LRRC49: variants seen among roughly 807,000 people sequenced by gnomAD.
LRRC49 encodes leucine-rich repeat-containing protein 49.
LRRC49 carries 50 observed loss-of-function variants against 83.3 expected under a neutral mutation model. The observed-to-expected ratio is 0.60, with a 90% CI of 0.48 to 0.76. The LOEUF (loss-of-function observed/expected upper bound fraction) is 0.76. LRRC49 is among the 30% of genes least tolerant of loss of function. LRRC49 has a pLI of 0.00. For missense variants in LRRC49, 704 were observed against 809.1 expected (o/e 0.87, Z 1.58); for synonymous variants, 286 against 283.3 (o/e 1.01, Z -0.10).
chr15:70,867,280 A>G (rs1028333906), intron 1 of LRRC49, among the ~76,000 whole-genome samples: 3 of 152,212 alleles, frequency 2.0e-5, no homozygotes, highest in African/African-American at 7.2e-5. Flanking sequence ...CTGAAAGACA[A>G]GAGCATAGAG....
At chr15:70,907,927 C>A (rs62019094) in intron 5 of LRRC49, 1 of 455,924 alleles carries the variant, frequency 2.2e-6, no homozygotes. Context: ...AATACCTAAT[C>A]TGACCAGTAG....
chr15:70,959,923 A>G (rs1409860290), intron 8 of LRRC49, among the ~76,000 whole-genome samples: 1 of 152,224 alleles, frequency 6.6e-6, no homozygotes, highest in African/African-American at 2.4e-5. Context: ...ATTTTTATTC[A>G]TAATGCTCAA....
chr15:70,863,605 C>T (rs895738532), intron 1 of LRRC49, among the ~76,000 whole-genome samples: 2 of 152,168 alleles, frequency 1.3e-5, no homozygotes, highest in Non-Finnish European at 2.9e-5. Flanking sequence ...GAATAGTCAT[C>T]CCAGAGAAAT....
At position 70,871,338 on chromosome 15, in the gene LRRC49, C is replaced by A. The variant is rs183314996; in HGVS notation, c.-298-1570C>A. 3.6e-3 allele frequency among the ~76,000 whole-genome samples: 552 copies of A among 152,304 alleles called. 2 individuals carry two copies. The highest frequency in any genetic ancestry group is 6.1e-3 in the Non-Finnish European group (417 of 68,024). On this transcript the variant is annotated intron_variant, in intron 1 of 16. Transcript: ENST00000544974. ...CCTAGTACAGAACAAAATGGAGTCTCCCATGTCTACTTCTTTCTACACAGA... is the reference window on the plus strand; with the variant it reads ...CCTAGTACAGAACAAAATGGAGTCTACCATGTCTACTTCTTTCTACACAGA...
At chr15:70,860,051 G>T in intron 1 of LRRC49, 1 of 736,496 alleles carries the variant, frequency 1.4e-6, no homozygotes, top group East Asian at 2.5e-5. Context: ...TGGCTCTGGC[G>T]CAGGCTCCAG....
chr15:71,038,143 C>A (rs766017567), intron 15 of LRRC49, among the ~76,000 whole-genome samples: 1 of 152,074 alleles, frequency 6.6e-6, no homozygotes, highest in Non-Finnish European at 1.5e-5. Context: ...ACATCTATAT[C>A]CAGATATAAG....
At chr15:70,936,210 AC>A (rs2035592000) in intron 7 of LRRC49, among the ~76,000 whole-genome samples, 1 of 151,990 alleles carries the variant, frequency 6.6e-6, no homozygotes, top group Non-Finnish European at 1.5e-5. Flanking sequence ...CCCTTACAGT[AC>A]CCTTCAGTGA....
intron 2 of LRRC49, among the ~76,000 whole-genome samples, chr15:70,877,334 C>T (rs1008257295): frequency 5.3e-5 from 8 of 152,164 alleles, no homozygotes; most frequent in African/African-American, 9.7e-5. Context: ...CATTTCCTTG[C>T]GTACTTTTGC....
rs538150826 is a variant in LRRC49 at position 70,856,033 on chromosome 15, G to A, written c.-299+2564G>A. Among the ~76,000 whole-genome samples, 5 of 152,140 alleles carry A rather than the reference G, an allele frequency of 3.3e-5. No homozygotes were observed. In the South Asian group the frequency reaches 8.3e-4, roughly 25 times the overall value. On this transcript the variant is annotated intron_variant, in intron 1 of 16. Transcript: ENST00000544974. ...CATCTCGTGTGGCAAAGACATCAGGGGTTGTTATCCTTACCCACAATGATG... is the reference window on the plus strand; with the variant it reads ...CATCTCGTGTGGCAAAGACATCAGGAGTTGTTATCCTTACCCACAATGATG...
Position 71,050,127 on chromosome 15 carries a change from G to C in LRRC49, c.*515G>C, listed in dbSNP as rs1316967039. 1 of 153,212 alleles carries C rather than the reference G, an allele frequency of 6.5e-6. No homozygotes were observed. The allele number at this position is 153,212 out of a possible 1,614,324, so 9.5% of individuals were successfully genotyped here. A position where few individuals can be genotyped will look rare whatever the true frequency, so the allele number is the denominator to read the frequency against. On this transcript the variant is annotated 3_prime_UTR_variant, in exon 16 of 16. Coordinates refer to ENST00000260382, the MANE Select transcript of LRRC49 (RefSeq NM_017691.5). ...GTCAGAATTGTCATATTTATTGTAT[G>C]TTCCTCTTTAGTTAGGTACGGTTCC...
chr15:70,923,327 CT>C (rs1004231838), intron 7 of LRRC49, among the ~76,000 whole-genome samples: 2 of 151,886 alleles, frequency 1.3e-5, no homozygotes, highest in African/African-American at 4.8e-5. Context: ...TGGTCAGTAT[CT>C]ATAGTTGATG....
intron 7 of LRRC49, among the ~76,000 whole-genome samples, chr15:70,926,265 G>C (rs2035192749): frequency 6.6e-6 from 1 of 152,086 alleles, no homozygotes; most frequent in Non-Finnish European, 1.5e-5. Context: ...TTTATTTAGA[G>C]ATAGGGTCTC....
intron 8 of LRRC49, among the ~76,000 whole-genome samples, chr15:70,944,337 T>C (rs1483108194): frequency 6.6e-6 from 1 of 152,208 alleles, no homozygotes; most frequent in East Asian, 1.9e-4. Context: ...TATAAACAAA[T>C]GGCTCCACAT....
intron 2 of LRRC49, among the ~76,000 whole-genome samples, chr15:70,877,683 C>T (rs565432199): frequency 5.9e-5 from 9 of 152,180 alleles, no homozygotes; most frequent in African/African-American, 1.9e-4. Flanking sequence ...TGGTAAAGTA[C>T]CCAGGAGTGA....
chr15:70,920,507 G>A (rs1596021396), intron 7 of LRRC49, among the ~76,000 whole-genome samples: 1 of 152,150 alleles, frequency 6.6e-6, no homozygotes, highest in African/African-American at 2.4e-5. Flanking sequence ...GCTCAGTCAG[G>A]ACTTAGTTTG....
chr15:70,990,733 C>T (rs1346520500), intron 11 of LRRC49, among the ~76,000 whole-genome samples: 1 of 152,228 alleles, frequency 6.6e-6, no homozygotes, highest in Admixed American at 6.5e-5. Context: ...GCGTCACTCA[C>T]GCTGGGAGCT....
intron 8 of LRRC49, among the ~76,000 whole-genome samples, chr15:70,938,946 A>C (rs990795219): frequency 6.6e-6 from 1 of 152,350 alleles, no homozygotes; most frequent in East Asian, 1.9e-4. Flanking sequence ...GGAAAATATC[A>C]GAGTTTGTCA....
intron 14 of LRRC49, among the ~76,000 whole-genome samples, chr15:71,018,064 A>G (rs2038882199): frequency 6.6e-6 from 1 of 152,096 alleles, no homozygotes; most frequent in Admixed American, 6.6e-5. Flanking sequence ...GAGGAGGAGG[A>G]GGGGGAGAAA....
intron 11 of LRRC49, among the ~76,000 whole-genome samples, chr15:70,989,581 C>T (rs1280801735): frequency 6.6e-6 from 1 of 152,230 alleles, no homozygotes; most frequent in Admixed American, 6.5e-5. Context: ...TTTGAATTTC[C>T]TCCTGTAGCT....
Sources: allele counts gnomAD v4.1 joint callset (sites outside exome capture counted in the v4.1 genomes callset), GRCh38; gene constraint gnomAD v4.1.1; transcripts MANE v1.5; gene names NCBI Gene and HGNC (gene_info 2026-07-23, HGNC 2026-07-21).